The following CLECL1 variants were observed in gnomAD, a reference collection of about 807,000 sequenced individuals.
CLECL1 encodes the protein C-type lectin-like domain family 1.
chr12:9,718,646 G>C, downstream of CLECL1: 1 of 676,996 alleles, frequency 1.5e-6, no homozygotes, highest in Non-Finnish European at 2.7e-6. Flanking sequence ...CTTACAGTGA[G>C]GCCATTGCGG....
chr12:9,712,835 A>G (rs1268443369), downstream of CLECL1, among the ~76,000 whole-genome samples: 1 of 152,194 alleles, frequency 6.6e-6, no homozygotes, highest in East Asian at 1.9e-4. Context: ...AAGTACAACT[A>G]TTAATAAAAC....
chr12:9,730,104 T>A (rs4763839), intron 1 of CLECL1, among the ~76,000 whole-genome samples: 48,643 of 152,036 alleles, frequency 0.32, 9,329 homozygotes, highest in East Asian at 0.58. Context: ...CATTTAAACA[T>A]AAAAGAAATG....
At chr12:9,714,738 T>C (rs1171643095), downstream of CLECL1, among the ~76,000 whole-genome samples, 1 of 152,216 alleles carries the variant, frequency 6.6e-6, no homozygotes, top group African/African-American at 2.4e-5. Context: ...CTGTAGGAAC[T>C]AATTCTCGGG....
intron 3 of CLECL1, among the ~76,000 whole-genome samples, chr12:9,726,809 T>C (rs1866385606): frequency 6.6e-6 from 1 of 151,978 alleles, no homozygotes; most frequent in East Asian, 1.9e-4. Flanking sequence ...TACAAGAAAG[T>C]GTTTTTGCTT....
rs759313337 is a variant in CLECL1 at position 9,722,854 on chromosome 12, C to T, written n.263-41G>A. On this transcript the variant is annotated intron_variant and non_coding_transcript_variant, in intron 3 of 3. Transcript: ENST00000621400. ...ATAAGCAATTAAAATCAATGTAAAA[C>T]TGTATCCTAATAATGTATACTAATT... is the stretch of plus-strand genomic sequence containing the variant. 5 of 1,463,014 alleles carry T rather than the reference C, an allele frequency of 3.4e-6. No individual in the cohort carries two copies. The East Asian group carries it at 9.2e-5, about 27-fold the overall frequency. 90.6% of individuals were successfully genotyped at this position (1,463,014 alleles called of 1,614,324 possible). A position where few individuals can be genotyped will look rare whatever the true frequency, so the allele number is the denominator to read the frequency against.
At chr12:9,725,976 T>C (rs981614420) in intron 3 of CLECL1, among the ~76,000 whole-genome samples, 29 of 152,012 alleles carry the variant, frequency 1.9e-4, no homozygotes, top group African/African-American at 6.8e-4. Flanking sequence ...GTCTGAAACC[T>C]TAAAAAGGGC....
chr12:9,722,886 T>C, intron 3 of CLECL1, 73 bp from the exon 2 acceptor site: 1 of 1,159,166 alleles, frequency 8.6e-7, no homozygotes. Flanking sequence ...AATTGAAGGG[T>C]CTCAAATTTG....
chr12:9,709,736 G>T, the CLECL1 span, among the ~76,000 whole-genome samples: 74 of 152,284 alleles, frequency 4.9e-4, no homozygotes, highest in African/African-American at 1.8e-3. Flanking sequence ...TCCCAATGAT[G>T]AGATGGAAGA....
At chr12:9,705,961 G>A in the CLECL1 span, among the ~76,000 whole-genome samples, 1 of 151,990 alleles carries the variant, frequency 6.6e-6, no homozygotes, top group African/African-American at 2.4e-5. Flanking sequence ...AAGTTGCATT[G>A]GGAAGTACGG....
intron 1 of CLECL1, among the ~76,000 whole-genome samples, chr12:9,731,250 C>G (rs1277074636): frequency 6.6e-6 from 1 of 152,146 alleles, no homozygotes; most frequent in African/African-American, 2.4e-5. Context: ...ATACATTCAT[C>G]GTCTAATGCG....
chr12:9,730,477 T>C (rs1164824302), intron 1 of CLECL1, among the ~76,000 whole-genome samples: 1 of 152,186 alleles, frequency 6.6e-6, no homozygotes, highest in Non-Finnish European at 1.5e-5. Flanking sequence ...ATGGAATGTT[T>C]ATTTGGTAGA....
chr12:9,723,242 A>T (rs771673667), intron 3 of CLECL1, among the ~76,000 whole-genome samples: 2 of 152,314 alleles, frequency 1.3e-5, no homozygotes, highest in South Asian at 4.1e-4. Context: ...AATTTGTGCT[A>T]TAGGCAGTCC....
downstream of CLECL1, among the ~76,000 whole-genome samples, chr12:9,714,254 C>G (rs141848662): frequency 2.8e-3 from 420 of 152,332 alleles, 2 homozygotes; most frequent in African/African-American, 9.7e-3. Flanking sequence ...GGAGGCCATT[C>G]ATTATCTTTC....
At chr12:9,729,666 G>T (rs1039412607) in exon 2 of CLECL1, among the ~76,000 whole-genome samples, 12 of 152,046 alleles carry the variant, frequency 7.9e-5, no homozygotes, top group Admixed American at 5.9e-4. Flanking sequence ...CAATTCCATG[G>T]TGGTGAGAAT....
At chr12:9,724,029 A>T (rs972761935) in intron 3 of CLECL1, among the ~76,000 whole-genome samples, 2 of 151,150 alleles carry the variant, frequency 1.3e-5, no homozygotes, top group Non-Finnish European at 3.0e-5. Flanking sequence ...TACAAAAAAT[A>T]AAAAAAAATT....
exon 3 of CLECL1, chr12:9,716,412 A>G (rs755954577): frequency 3.2e-4 from 51 of 158,334 alleles, no homozygotes; most frequent in Non-Finnish European, 6.2e-4. Flanking sequence ...ACTCTTCCTC[A>G]TCCTCCTTAG....
chr12:9,730,794 A>G (rs1220199493), intron 1 of CLECL1, among the ~76,000 whole-genome samples: 2 of 152,108 alleles, frequency 1.3e-5, no homozygotes, highest in South Asian at 4.2e-4. Context: ...GGTTCAAGCA[A>G]TCTTACTGCC....
chr12:9,722,771 T>C, exon 4 of CLECL1: 5 of 1,613,774 alleles, frequency 3.1e-6, no homozygotes, highest in Non-Finnish European at 4.2e-6. Flanking sequence ...CTTCCAGTCT[T>C]TGGCAGGACA....
At chr12:9,727,824 C>T (rs1460319252) in intron 2 of CLECL1, among the ~76,000 whole-genome samples, 4 of 151,724 alleles carry the variant, frequency 2.6e-5, no homozygotes, top group African/African-American at 9.7e-5. Context: ...CATAACTACT[C>T]TTTCCTAGAT....
Sources: allele counts gnomAD v4.1 joint callset (sites outside exome capture counted in the v4.1 genomes callset), GRCh38; gene constraint gnomAD v4.1.1; transcripts MANE v1.5; gene names NCBI Gene and HGNC (gene_info 2026-07-23, HGNC 2026-07-21).